Variants in PRPF39 observed in about 807,000 individuals in gnomAD.
PRPF39 encodes pre-mRNA processing factor 39.
A neutral mutation model predicts 82.1 loss-of-function variants in PRPF39; 27 were observed. That is an observed-to-expected ratio of 0.33 (90% CI 0.24 to 0.45). The LOEUF (loss-of-function observed/expected upper bound fraction) is 0.45, where lower values mean the gene tolerates loss of function less well. Ranked by LOEUF, PRPF39 falls within the 20% of genes least tolerant of loss-of-function variation. PRPF39 has a pLI of 1.00. For missense variants in PRPF39, 581 were observed against 796.9 expected (o/e 0.73, Z 3.26); for synonymous variants, 261 against 256.4 (o/e 1.02, Z -0.17).
intron 1 of PRPF39, among the ~76,000 whole-genome samples, chr14:45,091,009 A>T (rs1594723685): frequency 6.6e-6 from 1 of 152,150 alleles, no homozygotes; most frequent in African/African-American, 2.4e-5. Context: ...TTTAAAATTT[A>T]TTCTTTCTTA....
intron 5 of PRPF39, among the ~76,000 whole-genome samples, chr14:45,105,214 T>G (rs892663929): frequency 1.3e-5 from 2 of 152,160 alleles, no homozygotes; most frequent in Non-Finnish European, 1.5e-5. Context: ...ATGCACATTT[T>G]GTCACTGTTT....
chr14:45,090,427 T>C (rs1005650443), intron 1 of PRPF39, among the ~76,000 whole-genome samples: 3 of 152,206 alleles, frequency 2.0e-5, no homozygotes, highest in African/African-American at 7.2e-5. Context: ...TATGGCTCCA[T>C]GCTACTTTGC....
Position 45,096,177 on chromosome 14 carries a change from A to G in PRPF39, c.399A>G (p.Lys133=), listed in dbSNP as rs780085762. 2.1e-5 allele frequency: 34 copies of G among 1,591,834 alleles called. No individual in the cohort carries two copies. Among genetic ancestry groups the G allele is most frequent in the Non-Finnish European group, 2.9e-5 (34 of 1,168,288 alleles). The change falls in exon 3 of 14, where the codon AAA becomes AAG. Residue 133 remains lysine, a synonymous_variant. Transcript: ENST00000355765. The part of the protein sequence containing the change: ...IHYPYCYGYW[K]KYADLEKRHD... ...ATCCGTATTGCTATGGTTACTGGAAAAAGTATGCAGACCTTGAAAAGCGGC... is the reference window on the plus strand; with the variant it reads ...ATCCGTATTGCTATGGTTACTGGAAGAAGTATGCAGACCTTGAAAAGCGGC...
At position 45,115,980 on chromosome 14, in the gene PRPF39, T is replaced by C. The variant is rs1384855460; in HGVS notation, c.*1067T>C. The C allele has an allele frequency of 4.0e-6, 2 of 497,200 alleles. No homozygotes were observed. The highest frequency in any genetic ancestry group is 5.6e-4 in the Middle Eastern group (1 of 1,798). The allele number at this position is 497,200 out of a possible 1,614,324, so 30.8% of individuals were successfully genotyped here. On this transcript the variant is annotated 3_prime_UTR_variant, in exon 14 of 14. Coordinates refer to ENST00000355765, the MANE Select transcript of PRPF39 (RefSeq NM_017922.4). ...AAAGGAAAAAGTTCTCCTTGACCAG[T>C]ATTTTACACAGCTGTAGGAAAGTAT...
intron 13 of PRPF39, 39 bp from the exon 14 acceptor site, chr14:45,114,818 C>A: frequency 6.7e-7 from 1 of 1,500,536 alleles, no homozygotes; most frequent in Non-Finnish European, 9.2e-7. Flanking sequence ...AACTCTGCCA[C>A]AGTTCTAATA....
At chr14:45,086,775 T>G (rs922475129) in intron 1 of PRPF39, among the ~76,000 whole-genome samples, 3 of 152,084 alleles carry the variant, frequency 2.0e-5, no homozygotes, top group African/African-American at 4.8e-5. Flanking sequence ...CCTTTTACTC[T>G]TGTTGAGCTG....
rs200537096 is a variant in PRPF39, at chr14:45,110,574, C to A, written c.1329C>A (p.Ile443=). 6.4e-7 allele frequency: 1 copy of A among 1,564,148 alleles called. No individual in the cohort carries two copies. The highest frequency in any genetic ancestry group is 1.4e-5 in the African/African-American group (1 of 73,880). ...GTAATATTAATGAAGCCAGGAATATCTTGAAAACATTTGAAGAATGTGTTC... is the reference window on the plus strand; with the variant it reads ...GTAATATTAATGAAGCCAGGAATATATTGAAAACATTTGAAGAATGTGTTC... ...QQGNINEARN[I]LKTFEECVLG... is the part of the protein sequence containing the mutation. The change falls in exon 10 of 14, where the codon ATC becomes ATA. Residue 443 remains isoleucine (I), a synonymous_variant. Transcript: ENST00000355765. The surrounding 1 kb of genome is among the most constrained non-coding windows in gnomAD (Gnocchi z 4.0).
Position 45,110,325 on chromosome 14 carries a change from C to G in PRPF39, c.1303+105C>G. 2 of 1,456,730 alleles carry G rather than the reference C, an allele frequency of 1.4e-6. No individual in the cohort carries two copies. The highest frequency in any genetic ancestry group is 1.8e-6 in the Non-Finnish European group (2 of 1,081,436). 90.2% of individuals were successfully genotyped at this position (1,456,730 alleles called of 1,614,324 possible). ...ATGGTGTAAAGCAGAGTTTGGCAAA[C>G]TTTTTCTCTAAAGGGCCAGATAGTA... On this transcript the variant is annotated intron_variant, in intron 9 of 13. Transcript: ENST00000355765. This position sits in a 1 kb window ranked among gnomAD's most constrained non-coding sequence, Gnocchi z 4.0.
rs1020255748 is a variant in PRPF39 at position 45,107,565 on chromosome 14, T to G, written c.852T>G (p.Pro284=). The stretch of plus-strand genomic sequence containing the variant: ...ATGGTCATAGTGGTGATGATGGTCC[T>G]CCTGGTGATGATCTACCATCGGGAA... ...SVNGHSGDDG[P]PGDDLPSGIE... is the part of the protein sequence containing the mutation. Residue 284 remains proline, a synonymous_variant, in exon 6 of 14, where the codon CCT becomes CCG. Coordinates refer to ENST00000355765, the MANE Select transcript of PRPF39 (RefSeq NM_017922.4). 6.4e-7 allele frequency: 1 copy of G among 1,553,136 alleles called. No homozygotes were observed. Among genetic ancestry groups the G allele is most frequent in the East Asian group, 2.4e-5 (1 of 41,144 alleles).
At chr14:45,097,888 C>T (rs553113563) in intron 4 of PRPF39, among the ~76,000 whole-genome samples, 6 of 152,166 alleles carry the variant, frequency 3.9e-5, no homozygotes, top group Non-Finnish European at 8.8e-5. Flanking sequence ...AGTACCACCT[C>T]CACCTCCCTT....
At chr14:45,103,381 A>C (rs760773915) in intron 5 of PRPF39, among the ~76,000 whole-genome samples, 7 of 152,114 alleles carry the variant, frequency 4.6e-5, no homozygotes, top group Non-Finnish European at 1.0e-4. Flanking sequence ...CTTTGCTTTT[A>C]AATTGGCATG....
intron 1 of PRPF39, among the ~76,000 whole-genome samples, chr14:45,087,741 T>C (rs1263094840): frequency 1.2e-4 from 4 of 32,442 alleles, no homozygotes; most frequent in Non-Finnish European, 2.2e-4. Flanking sequence ...GCCCGGCTAA[T>C]TTTTTTTTTT....
chr14:45,108,239 G>T (rs1884599365), intron 6 of PRPF39, among the ~76,000 whole-genome samples, 176 bp from the exon 7 acceptor site: 2 of 152,168 alleles, frequency 1.3e-5, no homozygotes, highest in South Asian at 4.1e-4. Flanking sequence ...TTAGGAAGTT[G>T]TGTGATAAGT....
intron 8 of PRPF39, 93 bp downstream of exon 8, chr14:45,109,873 T>C (rs1339668063): frequency 1.3e-6 from 2 of 1,516,560 alleles, no homozygotes; most frequent in Non-Finnish European, 1.8e-6. Context: ...GTTGTTCATA[T>C]AACTATATCT....
intron 5 of PRPF39, 63 bp from the exon 6 acceptor site, chr14:45,107,388 G>C (rs1169625678): frequency 8.2e-7 from 1 of 1,224,028 alleles, no homozygotes; most frequent in African/African-American, 1.5e-5. Flanking sequence ...TATATAGTAG[G>C]AATCTCAATA....
chr14:45,109,388 A>C (rs1884634784), intron 7 of PRPF39, among the ~76,000 whole-genome samples: 2 of 152,234 alleles, frequency 1.3e-5, no homozygotes, highest in African/African-American at 4.8e-5. Context: ...TGTACATTAA[A>C]AAGCATGTAA....
intron 1 of PRPF39, among the ~76,000 whole-genome samples, chr14:45,093,147 T>G (rs1479873636): frequency 6.6e-6 from 1 of 152,216 alleles, no homozygotes; most frequent in Non-Finnish European, 1.5e-5. Context: ...ATTTAAAAAA[T>G]CTATAATGGA....
chr14:45,112,552 T>C, intron 11 of PRPF39, 50 bp downstream of exon 11: 1 of 1,401,006 alleles, frequency 7.1e-7, no homozygotes. Flanking sequence ...AGCATTGATA[T>C]TTTTGTATGG....
In PRPF39 at chr14:45,115,186, C is replaced by T. The variant is rs879217323; in HGVS notation, c.*273C>T. On this transcript the variant is annotated 3_prime_UTR_variant, in exon 14 of 14. Transcript: ENST00000355765. ...CTAGAATTCTTTTGCAATGCATTTG[C>T]AACAGAATTTTGTAGCCTTAAGGGG... 3.1e-5 allele frequency: 7 copies of T among 223,292 alleles called. No homozygotes were observed. In the South Asian group the frequency reaches 3.2e-4, roughly 10 times the overall value. 13.8% of individuals were successfully genotyped at this position (223,292 alleles called of 1,614,324 possible). A position where few individuals can be genotyped will look rare whatever the true frequency, so the allele number is the denominator to read the frequency against.
Sources: allele counts gnomAD v4.1 joint callset (sites outside exome capture counted in the v4.1 genomes callset), GRCh38; gene constraint gnomAD v4.1.1; non-coding constraint Gnocchi (gnomAD v3.1); transcripts MANE v1.5; gene names NCBI Gene and HGNC (gene_info 2026-07-23, HGNC 2026-07-21).